Variants in BCAS3 observed in about 807,000 individuals in gnomAD.
The protein encoded by BCAS3 is BCAS3 microtubule associated cell migration factor, also known as BCAS4/BCAS3 fusion.
Under a neutral mutation model 116.1 loss-of-function variants are expected in BCAS3, and 53 were observed. That is an observed-to-expected ratio of 0.46 (90% CI 0.37 to 0.57). BCAS3 has a LOEUF of 0.57. BCAS3 is among the 20% of genes least tolerant of loss of function. The pLI, the probability that BCAS3 is intolerant of heterozygous loss-of-function variation, is 0.00. For missense variants in BCAS3, 917 were observed against 1,165.4 expected (o/e 0.79, Z 3.10); for synonymous variants, 391 against 408.2 (o/e 0.96, Z 0.51).
chr17:61,079,390 A>T (rs1317734055), intron 21 of BCAS3, among the ~76,000 whole-genome samples: 1 of 152,152 alleles, frequency 6.6e-6, no homozygotes, highest in Non-Finnish European at 1.5e-5. Flanking sequence ...TTATAACAAG[A>T]TGAAAATTGT....
rs1365359208 is a variant in BCAS3, at chr17:61,326,723, G to A, written c.2426-41604G>A. 6.6e-6 allele frequency among the ~76,000 whole-genome samples: 1 copy of A among 152,162 alleles called. No homozygotes were observed. Among genetic ancestry groups the A allele is most frequent in the Admixed American group, 6.5e-5 (1 of 15,280 alleles). On this transcript the variant is annotated intron_variant, in intron 22 of 23. Transcript: ENST00000407086. This position sits in a 1 kb window ranked among gnomAD's most constrained non-coding sequence, Gnocchi z 5.3. ...GAGCTCCTAGTCACATGGAGGAGGA[G>A]GCTTGGATACATTACATTTCCAGTG...
chr17:60,866,408 C>A (rs1368158386), intron 7 of BCAS3, among the ~76,000 whole-genome samples: 2 of 152,146 alleles, frequency 1.3e-5, no homozygotes, highest in African/African-American at 4.8e-5. Flanking sequence ...AGATTACAGG[C>A]ATGAGCCACT....
At chr17:61,109,283 T>TTGTGTGTG (rs113547904) in intron 22 of BCAS3, among the ~76,000 whole-genome samples, 1,797 of 145,396 alleles carry the variant, frequency 0.012, 13 homozygotes, top group African/African-American at 0.013. Context: ...AGTATTCCAT[T>TTGTGTGTG]TGTGTGTGTG....
chr17:60,795,691 C>CTTGT (rs989062274), intron 6 of BCAS3, among the ~76,000 whole-genome samples: 2 of 151,792 alleles, frequency 1.3e-5, no homozygotes, highest in Non-Finnish European at 1.5e-5. Context: ...ATTTTGTTTG[C>CTTGT]TTGTTTGTTT....
chr17:61,156,258 C>T lies in BCAS3; in HGVS notation c.2425+71694C>T, dbSNP rs1413272886. Among the ~76,000 whole-genome samples, 2 of 151,790 alleles carry T rather than the reference C, an allele frequency of 1.3e-5. No individual in the cohort carries two copies. Among genetic ancestry groups the T allele is most frequent in the African/African-American group, 2.4e-5 (1 of 41,312 alleles). On this transcript the variant is annotated intron_variant, in intron 22 of 23. Transcript: ENST00000407086. The surrounding 1 kb of genome is among the most constrained non-coding windows in gnomAD (Gnocchi z 4.7). Reference sequence around the variant, plus strand: ...TTTGGGTCAATGTATTCATTTTGGTCTTCTTTTCAGGGATTGGAATTGAGC... The same window carrying T: ...TTTGGGTCAATGTATTCATTTTGGTTTTCTTTTCAGGGATTGGAATTGAGC...
intron 11 of BCAS3, among the ~76,000 whole-genome samples, chr17:60,904,934 C>T (rs1045923515): frequency 6.6e-6 from 1 of 152,138 alleles, no homozygotes; most frequent in Admixed American, 6.6e-5. Flanking sequence ...ATTACAAAGA[C>T]TCTTCCAGTG....
At chr17:60,856,805 A>G (rs2053716457) in intron 7 of BCAS3, among the ~76,000 whole-genome samples, 2 of 152,238 alleles carry the variant, frequency 1.3e-5, no homozygotes, top group Middle Eastern at 3.4e-3. Flanking sequence ...TGGTTTAAAT[A>G]TTTTGTTTTA....
intron 19 of BCAS3, among the ~76,000 whole-genome samples, chr17:61,044,155 T>A (rs952287548): frequency 6.6e-6 from 1 of 151,854 alleles, no homozygotes; most frequent in Admixed American, 6.6e-5. Flanking sequence ...AAAAAAAATA[T>A]GCCTTAAGAG....
rs2043334591 is a variant in BCAS3 at position 61,380,416 on chromosome 17, G to A, written c.2594-11561G>A. On this transcript the variant is annotated intron_variant, in intron 23 of 23. Transcript: ENST00000407086. This position sits in a 1 kb window ranked among gnomAD's most constrained non-coding sequence, Gnocchi z 4.2. ...CTCTCAGTGGTCAAACCAGATTTGGGTATCGACTCACTTTGATCTCAGCTC... is the reference window on the plus strand; with the variant it reads ...CTCTCAGTGGTCAAACCAGATTTGGATATCGACTCACTTTGATCTCAGCTC... 3 of 1,246,282 alleles carry A rather than the reference G, an allele frequency of 2.4e-6. No individual in the cohort carries two copies. Among genetic ancestry groups the A allele is most frequent in the Admixed American group, 1.9e-5 (1 of 51,606 alleles). The allele number at this position is 1,246,282 out of a possible 1,614,324, so 77.2% of individuals were successfully genotyped here. A position where few individuals can be genotyped will look rare whatever the true frequency, so the allele number is the denominator to read the frequency against.
At chr17:61,039,186 T>A (rs1425431063) in intron 18 of BCAS3, among the ~76,000 whole-genome samples, 2 of 152,206 alleles carry the variant, frequency 1.3e-5, no homozygotes, top group Admixed American at 1.3e-4. Context: ...TTCATGTAAG[T>A]GGAATCATAT....
At chr17:61,184,504 T>G (rs2079653158) in intron 22 of BCAS3, among the ~76,000 whole-genome samples, 1 of 152,156 alleles carries the variant, frequency 6.6e-6, no homozygotes, top group African/African-American at 2.4e-5. Context: ...GTACATTGTT[T>G]TGGGGAATGC....
At position 61,157,697 on chromosome 17, in the gene BCAS3, G is replaced by A. The variant is rs922975634; in HGVS notation, c.2425+73133G>A. Among the ~76,000 whole-genome samples the A allele has an allele frequency of 5.4e-5, 8 of 149,168 alleles. No homozygotes were observed. The East Asian group carries it at 8.0e-4, about 15-fold the overall frequency. On this transcript the variant is annotated intron_variant, in intron 22 of 23. Transcript: ENST00000407086. ...GGATTTAATTTCAGTGGAGAGGCTC[G>A]CCAGCAGGGCGCCAGCCTGCAATCA...
intron 7 of BCAS3, chr17:60,851,260 A>C (rs1691013145): frequency 4.1e-6 from 1 of 243,364 alleles, no homozygotes; most frequent in South Asian, 5.2e-5. Context: ...AAAAATGAGC[A>C]AAAGGGTCTC....
chr17:60,808,158 C>G, intron 7 of BCAS3, 82 bp downstream of exon 7: 1 of 956,766 alleles, frequency 1.0e-6, no homozygotes, highest in Admixed American at 2.2e-5. Flanking sequence ...GTTATAAAAC[C>G]TTTGTAACCA....
At chr17:60,986,902 T>G (rs2063174371) in intron 14 of BCAS3, 1 of 140,116 alleles carries the variant, frequency 7.1e-6, no homozygotes, top group Non-Finnish European at 1.5e-5. Context: ...AAGAAATCTT[T>G]GCCCAGTTTC....
intron 10 of BCAS3, among the ~76,000 whole-genome samples, chr17:60,894,934 A>G (rs2057409842): frequency 6.6e-6 from 1 of 152,042 alleles, no homozygotes; most frequent in African/African-American, 2.4e-5. Flanking sequence ...GTGGTCTATT[A>G]TATTTTTGAT....
chr17:60,860,654 G>A (rs533802335), intron 7 of BCAS3, among the ~76,000 whole-genome samples: 23 of 152,158 alleles, frequency 1.5e-4, no homozygotes, highest in Non-Finnish European at 2.9e-4. Context: ...GTTGATTTTT[G>A]TATACAGTGG....
chr17:61,145,927 A>C lies in BCAS3; in HGVS notation c.2425+61363A>C, dbSNP rs943048334. On this transcript the variant is annotated intron_variant, in intron 22 of 23. Coordinates refer to ENST00000407086, the MANE Select transcript of BCAS3 (RefSeq NM_017679.5). The surrounding 1 kb of genome is among the most constrained non-coding windows in gnomAD (Gnocchi z 5.0). The stretch of plus-strand genomic sequence containing the variant: ...GTTTGCAGAGACTGCCAAACCTTCC[A>C]TTGCCGCTTCCAAGATACTCCTGGA... 6.6e-6 allele frequency among the ~76,000 whole-genome samples: 1 copy of C among 151,596 alleles called. No individual in the cohort carries two copies. The highest frequency in any genetic ancestry group is 1.5e-5 in the Non-Finnish European group (1 of 67,956).
intron 22 of BCAS3, among the ~76,000 whole-genome samples, chr17:61,127,634 A>G (rs2076115031): frequency 1.3e-5 from 2 of 150,210 alleles, no homozygotes; most frequent in South Asian, 2.2e-4. Flanking sequence ...GTTGCAGACT[A>G]CCAGGCTAGA....
Sources: gnomAD v4.1 joint callset for allele counts (sites outside exome capture counted in the v4.1 genomes callset) on GRCh38, gnomAD v4.1.1 for gene constraint, Gnocchi (gnomAD v3.1) non-coding constraint, MANE v1.5 for transcripts, NCBI Gene and HGNC (gene_info 2026-07-23, HGNC 2026-07-21) for gene names.